Variants in RIOX2 observed in about 807,000 individuals in gnomAD.
RIOX2 encodes the protein ribosomal oxygenase 2, also known as 60S ribosomal protein L27a histidine hydroxylase.
A neutral mutation model predicts 51.2 loss-of-function variants in RIOX2; 43 were observed. The ratio of observed to expected loss-of-function variants is 0.84; its 90% CI spans 0.66 to 1.08. RIOX2 has a LOEUF of 1.08. Ranked by LOEUF, RIOX2 falls within the 50% of genes least tolerant of loss-of-function variation. The pLI, the probability that RIOX2 is intolerant of heterozygous loss-of-function variation, is 0.00. For missense variants in RIOX2, 566 were observed against 561.7 expected, an observed-to-expected ratio of 1.01 and a Z score of -0.08; for synonymous variants, 226 against 218.5, an observed-to-expected ratio of 1.03 and a Z score of -0.30.
At chr3:97,966,599 T>C (rs1171098200) in intron 2 of RIOX2, among the ~76,000 whole-genome samples, 1 of 152,230 alleles carries the variant, frequency 6.6e-6, no homozygotes, top group Non-Finnish European at 1.5e-5. Flanking sequence ...CCTCCACCTA[T>C]GAAGCCTTAC....
At position 97,960,555 on chromosome 3, in the gene RIOX2, AC is replaced by A. The variant is rs368112629; in HGVS notation, c.552+1033del. 5.8e-3 allele frequency among the ~76,000 whole-genome samples: 879 copies of A among 152,316 alleles called. 11 individuals are homozygous for A. The highest frequency in any genetic ancestry group is 0.019 in the African/African-American group (806 of 41,568). ...TTTGACTGCATGAGGTGTTGGCACC[AC>A]TAACCCCCACACTGCACAAGGGTCA... On this transcript the variant is annotated intron_variant, in intron 3 of 9. Transcript: ENST00000394198.
chr3:97,953,582 C>T (rs911127133), intron 5 of RIOX2, among the ~76,000 whole-genome samples: 1 of 152,078 alleles, frequency 6.6e-6, no homozygotes, highest in African/African-American at 2.4e-5. Flanking sequence ...GGGGTTTCAC[C>T]ATGTTGGCCA....
intron 1 of RIOX2, 76 bp from the exon 2 acceptor site, chr3:97,967,708 C>T: frequency 9.8e-7 from 1 of 1,023,668 alleles, no homozygotes. Flanking sequence ...CGCGCGCACA[C>T]ACAACTGAAT....
chr3:97,947,431 A>G lies in RIOX2; in HGVS notation c.1079T>C (p.Leu360Pro), dbSNP rs113044855. Residue 360 changes from leucine (L) to proline (P), a missense_variant, in exon 8 of 10, where the codon CTG becomes CCG. By Grantham distance (98) the Leu-to-Pro change is moderately conservative. Transcript: ENST00000394198. ...AAACTGCAGTCTCACTACACTGTCCAGCCTCGGTAACTTTCCACCTAGAAA... is the reference window on the plus strand; with the variant it reads ...AAACTGCAGTCTCACTACACTGTCCGGCCTCGGTAACTTTCCACCTAGAAA... ...LSTPGGKLPR[L>P]DSVVRLQFKD... is the part of the protein sequence containing the mutation. 5.0e-5 allele frequency: 81 copies of G among 1,613,476 alleles called. 1 individual carries two copies. The highest frequency in any genetic ancestry group is 4.5e-4 in the African/African-American group (34 of 74,986).
chr3:97,949,928 G>A lies in RIOX2; in HGVS notation c.976C>T (p.Leu326Phe), dbSNP rs774373194. 1 of 1,613,928 alleles carries A rather than the reference G, an allele frequency of 6.2e-7. No homozygotes were observed. Residue 326 changes from leucine (L) to phenylalanine (F), a missense_variant, in exon 7 of 10, where the codon CTT becomes TTT. Leu to Phe is a conservative substitution (Grantham distance 22). Coordinates refer to ENST00000394198, the MANE Select transcript of RIOX2 (RefSeq NM_153182.4). ...AAATCCTTCTTCATGTCTGAGGAAA[G>A]CAGTTCTTTGGTGCCCTCCAGCCGG... ...ADRLEGTKEL[L>F]SSDMKKDFIM...
At chr3:97,970,726 G>A (rs964168019) in intron 1 of RIOX2, among the ~76,000 whole-genome samples, 2 of 152,120 alleles carry the variant, frequency 1.3e-5, no homozygotes, top group Non-Finnish European at 2.9e-5. Context: ...TTGACTATAA[G>A]CATTAAATGT....
Position 97,954,401 on chromosome 3 carries a change from T to C in RIOX2, c.776A>G (p.Tyr259Cys). 1 of 1,612,270 alleles carries C rather than the reference T, an allele frequency of 6.2e-7. No individual in the cohort carries two copies. The highest frequency in any genetic ancestry group is 8.5e-7 in the Non-Finnish European group (1 of 1,178,360). ...AHSTHVTIST[Y>C]QNNSWGDFLL... ...GGGAGGCAGTGTTTACTTGTTCTGG[T>C]AGGTGCTGATGGTCACGTGAGTAGA... The change falls in exon 5 of 10, where the codon TAC (tyrosine) becomes TGC (cysteine). Residue 259 changes from tyrosine to cysteine, a missense_variant. Tyr to Cys is a radical substitution (Grantham distance 194). Transcript: ENST00000394198.
intron 5 of RIOX2, chr3:97,953,953 G>A (rs550584072): frequency 8.8e-5 from 14 of 159,916 alleles, no homozygotes; most frequent in Non-Finnish European, 1.9e-4. Flanking sequence ...TTTTAGAAAC[G>A]AATAGTGGTG....
chr3:97,956,310 G>A (rs1322759944), intron 4 of RIOX2, among the ~76,000 whole-genome samples: 1 of 152,176 alleles, frequency 6.6e-6, no homozygotes, highest in Admixed American at 6.5e-5. Context: ...GAAAACGTAA[G>A]TAAACATTCT....
At chr3:97,952,262 A>C (rs1705281651) in intron 5 of RIOX2, 2 of 1,286,576 alleles carry the variant, frequency 1.6e-6, no homozygotes, top group Non-Finnish European at 2.0e-6. Flanking sequence ...ACTGTCCAAG[A>C]CACAGGTCAA....
rs1369967422 is a variant in RIOX2, at chr3:97,949,939, G to T, written c.965C>A (p.Thr322Asn). The T allele has an allele frequency of 9.3e-6, 15 of 1,613,732 alleles. No homozygotes were observed. Among genetic ancestry groups the T allele is most frequent in the Non-Finnish European group, 1.2e-5 (14 of 1,179,948 alleles). ...CATGTCTGAGGAAAGCAGTTCTTTG[G>T]TGCCCTCCAGCCGGTCTGCAAGTGT... ...LRTLADRLEG[T>N]KELLSSDMKK... The change falls in exon 7 of 10, where the codon ACC becomes AAC. Residue 322 changes from threonine to asparagine, a missense_variant. Thr to Asn is a moderately conservative substitution (Grantham distance 65, BLOSUM62 0). Coordinates refer to ENST00000394198, the MANE Select transcript of RIOX2 (RefSeq NM_153182.4).
intron 3 of RIOX2, among the ~76,000 whole-genome samples, chr3:97,960,718 T>A (rs1705645449): frequency 6.6e-6 from 1 of 152,242 alleles, no homozygotes; most frequent in Admixed American, 6.5e-5. Context: ...CTTTTCACTT[T>A]CTTAGAGCCT....
chr3:97,956,588 T>C (rs973212602), intron 4 of RIOX2, among the ~76,000 whole-genome samples: 8 of 151,830 alleles, frequency 5.3e-5, no homozygotes, highest in Non-Finnish European at 1.2e-4. Flanking sequence ...CTCCATCTCC[T>C]GGGTTCAAGT....
Position 97,950,002 on chromosome 3 carries a change from G to A in RIOX2, c.902C>T (p.Thr301Ile). ...PRQLLLQVES[T>I]TVATRRLSGF... ...ACTTAATCGTCTTGTAGCAACAGTT[G>A]TGGATTCCACCTGCTAGGAACACAG... The change falls in exon 7 of 10, where the codon ACA becomes ATA. Residue 301 changes from threonine to isoleucine, a missense_variant. Thr to Ile is a moderately conservative substitution (Grantham distance 89). Transcript: ENST00000394198. The A allele has an allele frequency of 6.2e-7, 1 of 1,613,600 alleles. No homozygotes were observed.
At chr3:97,968,308 G>A (rs1705975184) in intron 1 of RIOX2, among the ~76,000 whole-genome samples, 1 of 152,138 alleles carries the variant, frequency 6.6e-6, no homozygotes. Flanking sequence ...AAGAAATAAA[G>A]CCCCTAAAGG....
At chr3:97,966,269 A>G (rs1705885600) in intron 2 of RIOX2, among the ~76,000 whole-genome samples, 1 of 152,170 alleles carries the variant, frequency 6.6e-6, no homozygotes. Context: ...TCCTCTCAAC[A>G]TGGAACCTCA....
In RIOX2 at chr3:97,944,770, T is replaced by C. The variant is rs1575987615; in HGVS notation, c.*414A>G. On this transcript the variant is annotated 3_prime_UTR_variant, in exon 10 of 10. Coordinates refer to ENST00000394198, the MANE Select transcript of RIOX2 (RefSeq NM_153182.4). ...GCTTGTCTATACACAAAGGTATGTA[T>C]ATTTTCATTATAAAAAACCAGTTTA... 6.5e-6 allele frequency: 1 copy of C among 154,786 alleles called. No individual in the cohort carries two copies. Among genetic ancestry groups the C allele is most frequent in the Non-Finnish European group, 1.4e-5 (1 of 69,758 alleles). 9.6% of individuals were successfully genotyped at this position (154,786 alleles called of 1,614,324 possible).
chr3:97,954,199 C>G, intron 5 of RIOX2, 193 bp downstream of exon 5: 1 of 555,196 alleles, frequency 1.8e-6, no homozygotes, highest in South Asian at 2.2e-5. Flanking sequence ...TTCATGATGT[C>G]CCCAGAAGCA....
At chr3:97,955,683 G>T (rs1404204107) in intron 4 of RIOX2, among the ~76,000 whole-genome samples, 1 of 152,124 alleles carries the variant, frequency 6.6e-6, no homozygotes, top group Non-Finnish European at 1.5e-5. Context: ...GTGTCTCTGT[G>T]CCAGCCTGAG....
Sources: allele counts gnomAD v4.1 joint callset (sites outside exome capture counted in the v4.1 genomes callset), GRCh38; gene constraint gnomAD v4.1.1; transcripts MANE v1.5; gene names NCBI Gene and HGNC (gene_info 2026-07-23, HGNC 2026-07-21).